Variants in CNTN4 observed in about 807,000 individuals in gnomAD.
CNTN4 encodes the protein contactin 4.
A neutral mutation model predicts 122.5 loss-of-function variants in CNTN4; 77 were observed. The observed-to-expected ratio is 0.63, with a 90% CI of 0.52 to 0.76. The LOEUF (loss-of-function observed/expected upper bound fraction) is 0.76, where lower values mean the gene tolerates loss of function less well. Among genes scored for constraint, CNTN4 ranks in the 30% least tolerant of loss-of-function variants. The pLI, the probability that CNTN4 is intolerant of heterozygous loss-of-function variation, is 0.00. For synonymous variants in CNTN4, 512 were observed against 447.0 expected (o/e 1.15, Z -1.83); for missense variants, 1,256 against 1,259.1 (o/e 1.00, Z 0.04).
intron 2 of CNTN4, among the ~76,000 whole-genome samples, chr3:2,337,878 G>A (rs1291085502): frequency 6.6e-6 from 1 of 152,020 alleles, no homozygotes; most frequent in Admixed American, 6.6e-5. Context: ...AGTTGCAAAT[G>A]GTGCCAATAG....
At chr3:2,460,772 A>G (rs1354759831) in intron 3 of CNTN4, among the ~76,000 whole-genome samples, 1 of 152,204 alleles carries the variant, frequency 6.6e-6, no homozygotes, top group Non-Finnish European at 1.5e-5. Context: ...CATCTCTACC[A>G]GAGATTCTGG....
chr3:2,947,988 G>A (rs960389542), intron 13 of CNTN4, among the ~76,000 whole-genome samples: 8 of 150,402 alleles, frequency 5.3e-5, no homozygotes, highest in African/African-American at 1.7e-4. Flanking sequence ...CAATTTAATT[G>A]TAGGGAAAAA....
chr3:2,927,183 A>C, intron 13 of CNTN4: 2 of 322,370 alleles, frequency 6.2e-6, no homozygotes, highest in South Asian at 5.5e-5. Flanking sequence ...TCATGAATGA[A>C]TAAAGTTATA....
rs555265489 is a variant in CNTN4 at position 2,711,588 on chromosome 3, A to G, written c.56-24627A>G. Among the ~76,000 whole-genome samples the G allele has an allele frequency of 2.0e-5, 3 of 152,260 alleles. No individual in the cohort carries two copies. In the South Asian group the frequency reaches 6.2e-4, roughly 32 times the overall value. On this transcript the variant is annotated intron_variant, in intron 4 of 24. Transcript: ENST00000418658. The stretch of plus-strand genomic sequence containing the variant: ...TGATGGCAAGGCCTCTGAACGTACA[A>G]AAAGGGGGTTTCCATCAGCACCACT...
At chr3:2,555,695 G>T (rs1385862110) in intron 3 of CNTN4, among the ~76,000 whole-genome samples, 1 of 152,148 alleles carries the variant, frequency 6.6e-6, no homozygotes, top group Non-Finnish European at 1.5e-5. Context: ...ATGTATCAAG[G>T]CAGTGCATAG....
In CNTN4 at chr3:2,726,133, T is replaced by C. The variant is rs150574995; in HGVS notation, c.56-10082T>C. On this transcript the variant is annotated intron_variant, in intron 4 of 24. Transcript: ENST00000418658. ...TTTCTGTTTTGGCTTCATTCTCTTT[T>C]TAGGTTCTCTCTCTCTATGTGGGAG... Among the ~76,000 whole-genome samples the C allele has an allele frequency of 3.9e-4, 59 of 152,318 alleles. 1 individual carries two copies. In the East Asian group the frequency reaches 0.01, roughly 27 times the overall value.
At chr3:2,804,737 C>CTTTTTTTTTTTTTTTTTTTTTTTT (rs370653933) in intron 6 of CNTN4, among the ~76,000 whole-genome samples, 3 of 144,878 alleles carry the variant, frequency 2.1e-5, no homozygotes, top group East Asian at 2.3e-4. Context: ...ATTTTGAGCA[C>CTTTTTTTTTTTTTTTTTTTTTTTT]TTTTTTTTTG....
chr3:2,299,676 A>T (rs1643983280), intron 2 of CNTN4, among the ~76,000 whole-genome samples: 2 of 152,270 alleles, frequency 1.3e-5, no homozygotes, highest in South Asian at 4.1e-4. Context: ...TAGATGTAGA[A>T]ATTTAACGTG....
chr3:2,367,246 C>A (rs754940516), intron 3 of CNTN4, among the ~76,000 whole-genome samples: 71 of 152,192 alleles, frequency 4.7e-4, no homozygotes, highest in Non-Finnish European at 8.1e-4. Flanking sequence ...ATTTATTATT[C>A]TTGAGAAAAG....
chr3:2,278,872 A>G (rs2041616034), intron 2 of CNTN4, among the ~76,000 whole-genome samples: 1 of 151,720 alleles, frequency 6.6e-6, no homozygotes, highest in Non-Finnish European at 1.5e-5. Flanking sequence ...CACTACTGTT[A>G]TTTACCCTAA....
chr3:2,884,674 C>G (rs2093949814), intron 9 of CNTN4, among the ~76,000 whole-genome samples: 1 of 152,020 alleles, frequency 6.6e-6, no homozygotes, highest in African/African-American at 2.4e-5. Flanking sequence ...AAGATGAGAG[C>G]AGGTAACTGG....
In CNTN4 at chr3:2,783,979, C is replaced by G. The variant is rs73807934; in HGVS notation, c.359-35507C>G. Among the ~76,000 whole-genome samples, 213 of 152,260 alleles carry G rather than the reference C, an allele frequency of 1.4e-3. 1 individual carries two copies. The highest frequency in any genetic ancestry group is 5.1e-3 in the African/African-American group (211 of 41,538). On this transcript the variant is annotated intron_variant, in intron 6 of 24. Coordinates refer to ENST00000418658, the MANE Select transcript of CNTN4 (RefSeq NM_175607.3). ...AAGGTCAATATACTCTTTTATTAAC[C>G]ATAAGCCTTTCTGGTCTTCTGGGTG...
intron 3 of CNTN4, among the ~76,000 whole-genome samples, chr3:2,418,074 T>C (rs759801553): frequency 6.6e-6 from 1 of 152,140 alleles, no homozygotes; most frequent in Non-Finnish European, 1.5e-5. Flanking sequence ...ATACATGTTA[T>C]TACAAATTTT....
chr3:2,677,758 G>T (rs113570797), intron 4 of CNTN4, among the ~76,000 whole-genome samples: 3,624 of 151,870 alleles, frequency 0.024, 57 homozygotes, highest in South Asian at 0.032. Flanking sequence ...TAAAATAGTT[G>T]ATTCTTAAAC....
At position 2,328,266 on chromosome 3, in the gene CNTN4, C is replaced by T. The variant is rs189069392; in HGVS notation, c.-144-10912C>T. Among the ~76,000 whole-genome samples, 313 of 150,460 alleles carry T rather than the reference C, an allele frequency of 2.1e-3. 1 individual carries two copies. Among genetic ancestry groups the T allele is most frequent in the African/African-American group, 5.3e-3 (217 of 41,216 alleles). On this transcript the variant is annotated intron_variant, in intron 2 of 24. Coordinates refer to ENST00000418658, the MANE Select transcript of CNTN4 (RefSeq NM_175607.3). ...TAAAAATACAAAAAAATTAGCCGGG[C>T]GTGGTGGCGGGCGCCTGTAGTCCCA... is the stretch of plus-strand genomic sequence containing the variant.
chr3:2,489,219 C>T (rs1559601020), intron 3 of CNTN4, among the ~76,000 whole-genome samples: 1 of 152,082 alleles, frequency 6.6e-6, no homozygotes, highest in African/African-American at 2.4e-5. Context: ...TTTGCCCTCT[C>T]AACAAAAGAC....
At chr3:2,191,729 C>CAT (rs879579441) in intron 2 of CNTN4, among the ~76,000 whole-genome samples, 2,404 of 151,418 alleles carry the variant, frequency 0.016, 30 homozygotes, top group Middle Eastern at 0.051. Flanking sequence ...CACACATACA[C>CAT]ACACATATAT....
At chr3:2,585,036 C>T (rs35673398) in intron 4 of CNTN4, among the ~76,000 whole-genome samples, 22,568 of 152,078 alleles carry the variant, frequency 0.15, 1,695 homozygotes, top group South Asian at 0.21. Flanking sequence ...ATTTTAAAAA[C>T]AGAGGAAAAT....
intron 23 of CNTN4, among the ~76,000 whole-genome samples, chr3:3,048,516 CTGTGTGTGTGTGTGTG>C (rs765657967): frequency 1.8e-5 from 2 of 112,804 alleles, no homozygotes; most frequent in Non-Finnish European, 4.4e-5. Flanking sequence ...CTCTCTCTCT[CTGTGTGTGTGTGTGTG>C]TGTGTGTGTG....
Sources: gnomAD v4.1 joint callset for allele counts (sites outside exome capture counted in the v4.1 genomes callset) on GRCh38, gnomAD v4.1.1 for gene constraint, MANE v1.5 for transcripts, NCBI Gene and HGNC (gene_info 2026-07-23, HGNC 2026-07-21) for gene names.